PLXNA4: variants seen among roughly 807,000 people sequenced by gnomAD.
The protein encoded by PLXNA4 is plexin A4.
Under a neutral mutation model 191.8 loss-of-function variants are expected in PLXNA4, and 44 were observed. The observed-to-expected ratio is 0.23, with a 90% CI of 0.18 to 0.29. PLXNA4 has a LOEUF of 0.29. PLXNA4 is among the 10% of genes least tolerant of loss of function. The pLI, the probability that PLXNA4 is intolerant of heterozygous loss-of-function variation, is 1.00. For missense variants in PLXNA4, 1,800 were observed against 2,488.8 expected (o/e 0.72, Z 5.89); for synonymous variants, 1,082 against 1,009.5 (o/e 1.07, Z -1.36).
chr7:132,471,728 G>T (rs1297407581), intron 3 of PLXNA4, among the ~76,000 whole-genome samples: 3 of 152,268 alleles, frequency 2.0e-5, no homozygotes, highest in Middle Eastern at 3.4e-3. Context: ...GTGGGAGGAG[G>T]AGGAGGGGCG....
intron 3 of PLXNA4, among the ~76,000 whole-genome samples, chr7:132,468,093 C>T (rs1454454400): frequency 1.3e-5 from 2 of 152,156 alleles, no homozygotes; most frequent in African/African-American, 4.8e-5. Context: ...CCCCCCAGTC[C>T]TTAGCTCTCT....
intron 1 of PLXNA4, among the ~76,000 whole-genome samples, chr7:132,524,235 A>G (rs1452916724): frequency 1.3e-5 from 2 of 152,214 alleles, no homozygotes; most frequent in African/African-American, 2.4e-5. Context: ...GATGTCAATG[A>G]AAGAATTTTA....
At chr7:132,408,383 G>T in intron 3 of PLXNA4, among the ~76,000 whole-genome samples, 1 of 152,034 alleles carries the variant, frequency 6.6e-6, no homozygotes, top group East Asian at 1.9e-4. Flanking sequence ...ATTTCTTATA[G>T]ATTTCTAAAT....
chr7:132,457,863 C>G (rs1796366111), intron 3 of PLXNA4, among the ~76,000 whole-genome samples: 1 of 152,176 alleles, frequency 6.6e-6, no homozygotes, highest in African/African-American at 2.4e-5. Context: ...AATGCAGCCC[C>G]AGAGGCTGGA....
intron 3 of PLXNA4, among the ~76,000 whole-genome samples, chr7:132,347,736 G>A (rs6959579): frequency 0.55 from 84,247 of 151,812 alleles, 25,107 homozygotes; most frequent in African/African-American, 0.78. Flanking sequence ...CCATGATCAC[G>A]GAGATAGTGG....
At chr7:132,310,509 G>A (rs145601551) in intron 3 of PLXNA4, among the ~76,000 whole-genome samples, 1 of 152,190 alleles carries the variant, frequency 6.6e-6, no homozygotes, top group Admixed American at 6.5e-5. Flanking sequence ...CATCCTCAGA[G>A]ACTATCTTCC....
intron 3 of PLXNA4, among the ~76,000 whole-genome samples, chr7:132,476,130 G>A (rs1180558680): frequency 6.6e-6 from 1 of 152,186 alleles, no homozygotes; most frequent in Non-Finnish European, 1.5e-5. Context: ...CTATGGATGT[G>A]TGTATGGAGA....
chr7:132,472,691 C>A (rs1157986224), intron 3 of PLXNA4, among the ~76,000 whole-genome samples: 4 of 152,218 alleles, frequency 2.6e-5, no homozygotes, highest in Admixed American at 1.3e-4. Context: ...AGGGAAACAT[C>A]ACTGGAAAAG....
chr7:132,420,936 A>G (rs1419271976), intron 3 of PLXNA4, among the ~76,000 whole-genome samples: 1 of 152,172 alleles, frequency 6.6e-6, no homozygotes, highest in Non-Finnish European at 1.5e-5. Context: ...AGCCATGTGG[A>G]ACTGTAAGTC....
intron 3 of PLXNA4, among the ~76,000 whole-genome samples, chr7:132,312,042 AGCCACCCCC>A (rs1205667956): frequency 6.6e-6 from 1 of 151,964 alleles, no homozygotes; most frequent in East Asian, 1.9e-4. Context: ...CCCAGCTTTA[AGCCACCCCC>A]GCCCTCAGTT....
chr7:132,555,457 C>G (rs892456369), intron 1 of PLXNA4, among the ~76,000 whole-genome samples: 2 of 152,140 alleles, frequency 1.3e-5, no homozygotes, highest in African/African-American at 4.8e-5. Context: ...CACAGGGTGG[C>G]AAGAAGCAGA....
At chr7:132,240,998 G>T in intron 5 of PLXNA4, 68 bp downstream of exon 5, 1 of 1,145,784 alleles carries the variant, frequency 8.7e-7, no homozygotes, top group Non-Finnish European at 1.3e-6. Flanking sequence ...AGTGATGACA[G>T]AGAAGCAGAG....
chr7:132,147,111 C>T (rs755899664), intron 27 of PLXNA4, among the ~76,000 whole-genome samples: 15 of 152,196 alleles, frequency 9.9e-5, no homozygotes, highest in Admixed American at 4.6e-4. Flanking sequence ...AACCGCTGAT[C>T]GGATGAGTAA....
At chr7:132,555,051 A>AAAAAACAAACAAAAAC (rs1800734169) in intron 1 of PLXNA4, among the ~76,000 whole-genome samples, 2 of 151,228 alleles carry the variant, frequency 1.3e-5, no homozygotes, top group African/African-American at 4.9e-5. Context: ...GAAGGAAAAA[A>AAAAAACAAACAAAAAC]AAAAACAAAA....
At chr7:132,191,449 C>T (rs973177313) in intron 14 of PLXNA4, among the ~76,000 whole-genome samples, 7 of 152,072 alleles carry the variant, frequency 4.6e-5, no homozygotes, top group African/African-American at 1.7e-4. Flanking sequence ...AAGTGAACAG[C>T]CAGGTGATGG....
At chr7:132,462,554 A>G (rs1271823321) in intron 3 of PLXNA4, among the ~76,000 whole-genome samples, 1 of 152,168 alleles carries the variant, frequency 6.6e-6, no homozygotes, top group Non-Finnish European at 1.5e-5. Flanking sequence ...TAAGGTTCAT[A>G]GAGAAAAAGG....
At chr7:132,523,742 G>A (rs1227338801) in intron 1 of PLXNA4, among the ~76,000 whole-genome samples, 3 of 152,158 alleles carry the variant, frequency 2.0e-5, no homozygotes, top group Admixed American at 6.5e-5. Flanking sequence ...AGCGAGACTG[G>A]TTGCTCCAGC....
At chr7:132,404,097 C>T (rs2117054331) in intron 3 of PLXNA4, among the ~76,000 whole-genome samples, 1 of 152,168 alleles carries the variant, frequency 6.6e-6, no homozygotes, top group Middle Eastern at 3.4e-3. Flanking sequence ...TCCACGGGTC[C>T]CCAAGCACCT....
chr7:132,569,943 T>C (rs557756112), intron 1 of PLXNA4, among the ~76,000 whole-genome samples: 2 of 152,216 alleles, frequency 1.3e-5, no homozygotes, highest in Non-Finnish European at 2.9e-5. Flanking sequence ...ATTTTCACTG[T>C]AGAAGCCACC....
Sources: allele counts gnomAD v4.1 joint callset (sites outside exome capture counted in the v4.1 genomes callset), GRCh38; gene constraint gnomAD v4.1.1; transcripts MANE v1.5; gene names NCBI Gene and HGNC (gene_info 2026-07-23, HGNC 2026-07-21).